AAR2: variants seen among roughly 807,000 people sequenced by gnomAD.
AAR2 encodes protein AAR2 homolog.
In AAR2, 31 loss-of-function variants were observed where a neutral mutation model predicts 26.9. The ratio of observed to expected loss-of-function variants is 1.15; its 90% CI spans 0.86 to 1.55. AAR2 has a LOEUF of 1.55. AAR2 is among the 40% of genes most tolerant of loss of function. The pLI is 0.00. For synonymous variants in AAR2, 188 were observed against 196.1 expected (o/e 0.96, Z 0.34); for missense variants, 430 against 491.3 (o/e 0.88, Z 1.18).
chr20:36,243,919 T>C (rs1348202318), intron 2 of AAR2, among the ~76,000 whole-genome samples: 1 of 152,204 alleles, frequency 6.6e-6, no homozygotes, highest in Non-Finnish European at 1.5e-5. Flanking sequence ...AAGCTGCTCA[T>C]AGAGATTAAA....
At position 36,240,113 on chromosome 20, in the gene AAR2, A is replaced by T. The variant is rs1002180324; in HGVS notation, c.245A>T (p.His82Leu). ...CGTATGGGTTTCTTCCTTAGCCTGC[A>T]CCAGCGGGGGCTGACAGTGCTGCGC... ...GPRMGFFLSL[H>L]QRGLTVLRWS... Residue 82 changes from histidine (H) to leucine (L), a missense_variant, in exon 2 of 4, where the codon CAC becomes CTC. By Grantham distance (99) the His-to-Leu change is moderately conservative. Transcript: ENST00000320849. 1.2e-6 allele frequency: 2 copies of T among 1,614,090 alleles called. No homozygotes were observed. Among genetic ancestry groups the T allele is most frequent in the African/African-American group, 2.7e-5 (2 of 74,938 alleles).
chr20:36,241,317 A>G (rs1053805158), intron 2 of AAR2, among the ~76,000 whole-genome samples: 1 of 152,114 alleles, frequency 6.6e-6, no homozygotes, highest in Non-Finnish European at 1.5e-5. Flanking sequence ...GTGTCTGTAT[A>G]TATATGAGTT....
At chr20:36,254,684 G>A (rs1047804179) in intron 3 of AAR2, among the ~76,000 whole-genome samples, 1 of 152,148 alleles carries the variant, frequency 6.6e-6, no homozygotes, top group Non-Finnish European at 1.5e-5. Flanking sequence ...TTTTGCCACA[G>A]TTTAAAAAAT....
chr20:36,247,499 A>G (rs908094069), intron 3 of AAR2, among the ~76,000 whole-genome samples: 2 of 150,938 alleles, frequency 1.3e-5, no homozygotes, highest in African/African-American at 4.9e-5. Flanking sequence ...TCCCCCATCA[A>G]CTCCAGCAAC....
chr20:36,239,774 C>T, intron 1 of AAR2, 47 bp from the exon 2 acceptor site: 7 of 1,417,920 alleles, frequency 4.9e-6, no homozygotes, highest in Non-Finnish European at 6.6e-6. Context: ...GCAAATGAAG[C>T]ATCTTTCCCC....
intron 1 of AAR2, chr20:36,236,897 C>T (rs762566944): frequency 6.6e-6 from 1 of 152,210 alleles, no homozygotes; most frequent in Non-Finnish European, 1.5e-5. Context: ...CAGCAGGACT[C>T]AAGTCTCGTG....
intron 3 of AAR2, among the ~76,000 whole-genome samples, chr20:36,253,135 A>G (rs2064793754): frequency 1.3e-5 from 2 of 151,042 alleles, no homozygotes; most frequent in South Asian, 4.2e-4. Context: ...GGCTCCAGAC[A>G]AAGACCACTG....
chr20:36,237,441 G>A (rs758570375), intron 1 of AAR2, among the ~76,000 whole-genome samples: 15 of 152,142 alleles, frequency 9.9e-5, no homozygotes, highest in African/African-American at 1.4e-4. Flanking sequence ...AGGTGTTCCA[G>A]GACTGTGAGG....
chr20:36,240,238 C>T lies in AAR2; in HGVS notation c.370C>T (p.Pro124Ser). Residue 124 changes from proline to serine, a missense_variant, in exon 2 of 4, where the codon CCT (proline) becomes TCT (serine). Physicochemically the swap from Pro to Ser is moderately conservative, Grantham distance 74. Coordinates refer to ENST00000320849, the MANE Select transcript of AAR2 (RefSeq NM_001271874.2). ...CCAGGAGCTGGACCAGTTCCTGGGG[C>T]CTTACCCATATGCCACCCTGAAGAA... is the stretch of plus-strand genomic sequence containing the variant. ...NLQELDQFLG[P>S]YPYATLKKWI... 1 of 1,614,210 alleles carries T rather than the reference C, an allele frequency of 6.2e-7. No individual in the cohort carries two copies. The highest frequency in any genetic ancestry group is 8.5e-7 in the Non-Finnish European group (1 of 1,180,042).
At position 36,240,072 on chromosome 20, in the gene AAR2, G is replaced by A. The variant is rs746243897; in HGVS notation, c.204G>A (p.Pro68=). ...ACAGCTCTGTGGACAAGGCTAATCC[G>A]AAGGAAGTAGGCCCTCGTATGGGTT... ...LHYSSVDKAN[P]KEVGPRMGFF... Residue 68 remains proline (P), a synonymous_variant, in exon 2 of 4, where the codon CCG becomes CCA. Transcript: ENST00000320849. 6.8e-6 allele frequency: 11 copies of A among 1,614,098 alleles called. No homozygotes were observed. In the East Asian group the frequency reaches 8.9e-5, roughly 13 times the overall value.
Position 36,254,467 on chromosome 20 carries a change from C to T in AAR2, c.988-1111C>T, listed in dbSNP as rs148619877. On this transcript the variant is annotated intron_variant, in intron 3 of 3. Coordinates refer to ENST00000320849, the MANE Select transcript of AAR2 (RefSeq NM_001271874.2). ...GAGGAGGGAAGGGGGATAGGGTAGT[C>T]GAATTCACAGAGTTGGAAAGTAGAA... Among the ~76,000 whole-genome samples the T allele has an allele frequency of 7.4e-5, 11 of 148,558 alleles. No homozygotes were observed. The East Asian group carries it at 2.1e-3, about 29-fold the overall frequency.
chr20:36,244,075 A>T (rs575500119), intron 2 of AAR2, among the ~76,000 whole-genome samples: 1 of 152,370 alleles, frequency 6.6e-6, no homozygotes, highest in East Asian at 1.9e-4. Flanking sequence ...CGTTGCCCAC[A>T]TTGTGAAGCA....
intron 1 of AAR2, 67 bp downstream of exon 1, chr20:36,236,570 C>T (rs890838009): frequency 6.6e-6 from 1 of 152,300 alleles, no homozygotes; most frequent in Non-Finnish European, 1.5e-5. Flanking sequence ...TGGGCCGCCC[C>T]TCTTCTCGGC....
intron 3 of AAR2, among the ~76,000 whole-genome samples, chr20:36,252,921 C>T (rs1307561617): frequency 6.6e-6 from 1 of 152,210 alleles, no homozygotes; most frequent in African/African-American, 2.4e-5. Flanking sequence ...TGCCTACAGA[C>T]AGGCCAACCC....
chr20:36,239,433 C>A (rs1335454053), intron 1 of AAR2, among the ~76,000 whole-genome samples: 1 of 152,180 alleles, frequency 6.6e-6, no homozygotes, highest in South Asian at 2.1e-4. Context: ...TTAGAGTGAC[C>A]TGTCCAGGCA....
Position 36,239,962 on chromosome 20 carries a change from T to G in AAR2, c.94T>G (p.Phe32Val), listed in dbSNP as rs2064658120. The G allele has an allele frequency of 1.9e-6, 3 of 1,613,996 alleles. No homozygotes were observed. The highest frequency in any genetic ancestry group is 2.5e-6 in the Non-Finnish European group (3 of 1,179,986). The change falls in exon 2 of 4, where the codon TTT (phenylalanine) becomes GTT (valine). Residue 32 changes from phenylalanine to valine, a missense_variant. Transcript: ENST00000320849. ...VILNMPKGTE[F>V]GIDYNSWEVG... Reference sequence around the variant, plus strand: ...CCTGAACATGCCCAAGGGAACAGAGTTTGGGATTGACTATAACTCCTGGGA... The same window carrying G: ...CCTGAACATGCCCAAGGGAACAGAGGTTGGGATTGACTATAACTCCTGGGA...
intron 3 of AAR2, among the ~76,000 whole-genome samples, chr20:36,246,945 A>G (rs17093465): frequency 7.8e-4 from 119 of 152,358 alleles, no homozygotes; most frequent in African/African-American, 2.7e-3. Context: ...AGGAATATAT[A>G]TACATGTGAG....
chr20:36,255,268 T>A (rs2064810128), intron 3 of AAR2, among the ~76,000 whole-genome samples: 2 of 152,232 alleles, frequency 1.3e-5, no homozygotes, highest in African/African-American at 4.8e-5. Flanking sequence ...CCGACTGGTG[T>A]AGCTACTACC....
chr20:36,247,559 TA>T (rs61614261), intron 3 of AAR2, among the ~76,000 whole-genome samples: 20 of 149,710 alleles, frequency 1.3e-4, no homozygotes, highest in East Asian at 9.7e-4. Context: ...TCATGCTTTT[TA>T]AAAAAAAAAA....
Sources: allele counts gnomAD v4.1 joint callset (sites outside exome capture counted in the v4.1 genomes callset), GRCh38; gene constraint gnomAD v4.1.1; transcripts MANE v1.5; gene names NCBI Gene and HGNC (gene_info 2026-07-23, HGNC 2026-07-21).